The following ITSN1 variants were observed in gnomAD, a reference collection of about 807,000 sequenced individuals.
ITSN1 encodes intersectin-1.
ITSN1 carries 58 observed loss-of-function variants against 239.8 expected under a neutral mutation model. That is an observed-to-expected ratio of 0.24 (90% CI 0.20 to 0.30). The LOEUF is 0.30. ITSN1 is among the 10% of genes least tolerant of loss of function. The probability of loss-of-function intolerance (pLI) is 1.00; values close to 1 mark genes in which losing one functional copy is unlikely to be tolerated. For missense variants in ITSN1, 1,558 were observed against 2,103.3 expected, an observed-to-expected ratio of 0.74 and a Z score of 5.07; for synonymous variants, 780 against 770.8, an observed-to-expected ratio of 1.01 and a Z score of -0.20.
At chr21:33,742,308 G>A (rs1398439621) in intron 5 of ITSN1, among the ~76,000 whole-genome samples, 1 of 152,120 alleles carries the variant, frequency 6.6e-6, no homozygotes, top group Non-Finnish European at 1.5e-5. Context: ...ACCCACCTTG[G>A]CCTCCCAAAG....
At chr21:33,710,246 T>G (rs1568993925) in intron 1 of ITSN1, among the ~76,000 whole-genome samples, 2 of 151,856 alleles carry the variant, frequency 1.3e-5, no homozygotes, top group Admixed American at 6.6e-5. Flanking sequence ...GCCTGGCTAA[T>G]TTTTTGTATT....
At chr21:33,801,916 A>G (rs2072034834) in intron 19 of ITSN1, among the ~76,000 whole-genome samples, 1 of 152,164 alleles carries the variant, frequency 6.6e-6, no homozygotes, top group Non-Finnish European at 1.5e-5. Flanking sequence ...TGTTTCCTAC[A>G]CCGTGGTTTC....
At chr21:33,715,348 T>G (rs1601800595) in intron 1 of ITSN1, among the ~76,000 whole-genome samples, 1 of 152,052 alleles carries the variant, frequency 6.6e-6, no homozygotes, top group African/African-American at 2.4e-5. Flanking sequence ...AGAAGAGAAA[T>G]CAATAACCTC....
At chr21:33,756,764 C>G (rs536988350) in intron 8 of ITSN1, 2 of 152,102 alleles carry the variant, frequency 1.3e-5, no homozygotes, top group East Asian at 3.9e-4. Flanking sequence ...CTACCTTATG[C>G]AGGCTCTGCT....
intron 20 of ITSN1, among the ~76,000 whole-genome samples, chr21:33,810,172 C>T (rs1015844948): frequency 8.5e-5 from 13 of 152,142 alleles, no homozygotes; most frequent in Non-Finnish European, 7.3e-5. Context: ...AGGGACAACT[C>T]GTAAAGAAAA....
Position 33,888,424 on chromosome 21 carries a change from AG to A in ITSN1, c.*125del. 4 of 955,256 alleles carry A rather than the reference AG, an allele frequency of 4.2e-6. No individual in the cohort carries two copies. The highest frequency in any genetic ancestry group is 3.5e-5 in the South Asian group (2 of 56,990). The allele number at this position is 955,256 out of a possible 1,614,324, so 59.2% of individuals were successfully genotyped here. ...CAGTCACAGGGATATGGGATGGCAA[AG>A]ACAGGCCCCTCAAAGCTCCTAGGAA... On this transcript the variant is annotated 3_prime_UTR_variant, in exon 40 of 40. Coordinates refer to ENST00000381318, the MANE Select transcript of ITSN1 (RefSeq NM_003024.3).
chr21:33,833,421 G>A (rs377435522), intron 27 of ITSN1, among the ~76,000 whole-genome samples: 1 of 152,188 alleles, frequency 6.6e-6, no homozygotes, highest in East Asian at 1.9e-4. Context: ...ACCCATAAAG[G>A]AGCATGCAGA....
At chr21:33,725,858 C>G (rs927543641) in intron 4 of ITSN1, among the ~76,000 whole-genome samples, 6 of 152,172 alleles carry the variant, frequency 3.9e-5, no homozygotes, top group Admixed American at 2.0e-4. Context: ...TGATATCCTG[C>G]CCAGATGATG....
chr21:33,851,846 C>T (rs1978373149), intron 29 of ITSN1, among the ~76,000 whole-genome samples: 3 of 117,962 alleles, frequency 2.5e-5, no homozygotes, highest in South Asian at 2.8e-4. Context: ...TGCAGTGGTG[C>T]GATCATAGCT....
intron 31 of ITSN1, among the ~76,000 whole-genome samples, chr21:33,863,722 A>G (rs761326682): frequency 1.3e-5 from 2 of 152,266 alleles, no homozygotes; most frequent in Non-Finnish European, 2.9e-5. Flanking sequence ...TGATGGAATG[A>G]TGGAATTTCT....
chr21:33,866,248 C>A (rs182861841), intron 32 of ITSN1, among the ~76,000 whole-genome samples: 3 of 152,186 alleles, frequency 2.0e-5, no homozygotes, highest in Admixed American at 6.5e-5. Flanking sequence ...CCTAGACTTG[C>A]CAGCCAAGGC....
intron 18 of ITSN1, 25 bp from the exon 19 acceptor site, chr21:33,799,783 C>A (rs773864707): frequency 1.2e-6 from 2 of 1,607,694 alleles, no homozygotes; most frequent in Non-Finnish European, 1.7e-6. Context: ...TTATTTTTGT[C>A]CCCCCCACCT....
At chr21:33,734,844 G>A (rs1295353412) in intron 4 of ITSN1, among the ~76,000 whole-genome samples, 200 bp from the exon 5 acceptor site, 1 of 152,182 alleles carries the variant, frequency 6.6e-6, no homozygotes, top group African/African-American at 2.4e-5. Flanking sequence ...GTGGCAGAGT[G>A]AAAGATATTT....
intron 33 of ITSN1, among the ~76,000 whole-genome samples, chr21:33,869,880 CATATAT>C (rs1982413251): frequency 6.6e-6 from 1 of 152,020 alleles, no homozygotes; most frequent in African/African-American, 2.4e-5. Context: ...TGTATATACA[CATATAT>C]TTATATTTAT....
At chr21:33,842,338 G>C (rs769060973) in intron 29 of ITSN1, among the ~76,000 whole-genome samples, 35 of 152,130 alleles carry the variant, frequency 2.3e-4, no homozygotes, top group Non-Finnish European at 4.9e-4. Context: ...AAGCTCCCCA[G>C]GCATTTTTAA....
At chr21:33,656,296 G>T (rs1326017947) in intron 1 of ITSN1, among the ~76,000 whole-genome samples, 1 of 152,196 alleles carries the variant, frequency 6.6e-6, no homozygotes, top group Non-Finnish European at 1.5e-5. Flanking sequence ...AGAAAAAAAC[G>T]CTAGGCAGGC....
chr21:33,817,643 C>T (rs569303189), intron 22 of ITSN1: 1 of 1,228,246 alleles, frequency 8.1e-7, no homozygotes, highest in Admixed American at 3.0e-5. Flanking sequence ...GTGCTTTTCC[C>T]TAAATTATCT....
chr21:33,730,723 T>C (rs931495075), intron 4 of ITSN1, among the ~76,000 whole-genome samples: 7 of 150,246 alleles, frequency 4.7e-5, no homozygotes, highest in Non-Finnish European at 8.9e-5. Context: ...TTGTTTTTGT[T>C]TGAGATGGAG....
chr21:33,726,670 C>T lies in ITSN1; in HGVS notation c.185+4019C>T, dbSNP rs1165946593. Among the ~76,000 whole-genome samples, 5 of 151,994 alleles carry T rather than the reference C, an allele frequency of 3.3e-5. No homozygotes were observed. The East Asian group carries it at 9.6e-4, about 29-fold the overall frequency. On this transcript the variant is annotated intron_variant, in intron 4 of 39. Coordinates refer to ENST00000381318, the MANE Select transcript of ITSN1 (RefSeq NM_003024.3). ...CTGAGTAGCTGAGTCTACAGGCATA[C>T]ACCACCATGCCTGGCTAATTTTTGT...
Sources: allele counts gnomAD v4.1 joint callset (sites outside exome capture counted in the v4.1 genomes callset), GRCh38; gene constraint gnomAD v4.1.1; transcripts MANE v1.5; gene names NCBI Gene and HGNC (gene_info 2026-07-23, HGNC 2026-07-21).